PTPRM: variants seen among roughly 807,000 people sequenced by gnomAD.
The protein encoded by PTPRM is receptor-type tyrosine-protein phosphatase mu.
In PTPRM, 47 loss-of-function variants were observed where a neutral mutation model predicts 186.7. The observed-to-expected ratio is 0.25, with a 90% confidence interval of 0.20 to 0.32. The LOEUF (loss-of-function observed/expected upper bound fraction) is 0.32. PTPRM is among the 10% of genes least tolerant of loss of function. PTPRM has a pLI of 1.00. For missense variants in PTPRM, 1,494 were observed against 1,865.0 expected, an observed-to-expected ratio of 0.80 and a Z score of 3.66; for synonymous variants, 668 against 674.9, an observed-to-expected ratio of 0.99 and a Z score of 0.16.
At chr18:8,129,164 T>C (rs779890165) in intron 13 of PTPRM, among the ~76,000 whole-genome samples, 6 of 152,222 alleles carry the variant, frequency 3.9e-5, no homozygotes, top group Non-Finnish European at 8.8e-5. Context: ...TTGAAGATTT[T>C]TGCATGAAAG....
chr18:7,841,985 T>A (rs2046350134), intron 2 of PTPRM, among the ~76,000 whole-genome samples: 1 of 152,180 alleles, frequency 6.6e-6, no homozygotes, highest in South Asian at 2.1e-4. Context: ...TGACTTTGGC[T>A]TTTTCAGAGG....
intron 2 of PTPRM, among the ~76,000 whole-genome samples, chr18:7,782,235 C>G (rs1033786850): frequency 6.6e-6 from 1 of 152,090 alleles, no homozygotes; most frequent in South Asian, 2.1e-4. Flanking sequence ...TTCAGTGGCC[C>G]TTACTGGTTG....
chr18:8,224,108 T>A (rs1259330081), intron 14 of PTPRM, among the ~76,000 whole-genome samples: 1 of 152,216 alleles, frequency 6.6e-6, no homozygotes, highest in East Asian at 1.9e-4. Context: ...GATAAGCAGA[T>A]GGCTTCTTTA....
chr18:8,231,665 T>G (rs1027890441), intron 14 of PTPRM, among the ~76,000 whole-genome samples: 3 of 152,224 alleles, frequency 2.0e-5, no homozygotes, highest in African/African-American at 4.8e-5. Context: ...TTCCTTTAAT[T>G]TGAATTCAGC....
At chr18:7,980,072 C>G (rs2082464846) in intron 7 of PTPRM, among the ~76,000 whole-genome samples, 1 of 151,938 alleles carries the variant, frequency 6.6e-6, no homozygotes, top group African/African-American at 2.4e-5. Context: ...ACTCCTCCCC[C>G]TTGGCCGTGC....
intron 22 of PTPRM, among the ~76,000 whole-genome samples, chr18:8,319,796 G>C (rs2095334327): frequency 6.6e-6 from 1 of 152,198 alleles, no homozygotes; most frequent in Non-Finnish European, 1.5e-5. Context: ...CTTGTGAATG[G>C]AGAAACATCA....
intron 23 of PTPRM, among the ~76,000 whole-genome samples, chr18:8,361,654 T>C (rs1022024296): frequency 6.6e-6 from 1 of 152,184 alleles, no homozygotes; most frequent in African/African-American, 2.4e-5. Context: ...ATCAGATAAC[T>C]GTAGGACTCA....
At chr18:7,587,907 C>T (rs1598466946) in intron 1 of PTPRM, among the ~76,000 whole-genome samples, 1 of 152,040 alleles carries the variant, frequency 6.6e-6, no homozygotes, top group East Asian at 1.9e-4. Context: ...TTTTTAATTT[C>T]AAGTAAGTTT....
At chr18:8,256,349 G>A (rs574815424) in intron 19 of PTPRM, among the ~76,000 whole-genome samples, 1 of 152,278 alleles carries the variant, frequency 6.6e-6, no homozygotes, top group African/African-American at 2.4e-5. Flanking sequence ...ACCTCTCTGG[G>A]CCTCAGTTTC....
At chr18:8,200,280 C>G (rs558633633) in intron 14 of PTPRM, among the ~76,000 whole-genome samples, 21 of 152,100 alleles carry the variant, frequency 1.4e-4, no homozygotes, top group Non-Finnish European at 2.8e-4. Flanking sequence ...GTGCCCCCAC[C>G]GAGACCCAGG....
intron 7 of PTPRM, among the ~76,000 whole-genome samples, chr18:7,992,265 C>G (rs2083305080): frequency 6.6e-6 from 1 of 152,066 alleles, no homozygotes; most frequent in African/African-American, 2.4e-5. Context: ...TTTGAACTAT[C>G]TGCCTATATC....
At chr18:8,268,137 GA>G (rs1422168956) in intron 19 of PTPRM, among the ~76,000 whole-genome samples, 1 of 152,120 alleles carries the variant, frequency 6.6e-6, no homozygotes, top group Non-Finnish European at 1.5e-5. Context: ...AGTTTTGTTT[GA>G]AATTGCATGG....
chr18:8,076,159 A>T (rs955429588), intron 8 of PTPRM, among the ~76,000 whole-genome samples: 1 of 152,158 alleles, frequency 6.6e-6, no homozygotes, highest in Non-Finnish European at 1.5e-5. Flanking sequence ...GAGAATTCTC[A>T]TCACTTGAAA....
intron 2 of PTPRM, among the ~76,000 whole-genome samples, chr18:7,885,470 T>C (rs978611446): frequency 6.6e-6 from 1 of 152,158 alleles, no homozygotes; most frequent in East Asian, 1.9e-4. Context: ...TGATAAAGCT[T>C]TCCCTTTATT....
At chr18:8,178,112 T>C (rs2093513321) in intron 14 of PTPRM, among the ~76,000 whole-genome samples, 2 of 152,220 alleles carry the variant, frequency 1.3e-5, no homozygotes, top group African/African-American at 4.8e-5. Flanking sequence ...CAGTTTCAGA[T>C]GTTGGGTGCA....
intron 1 of PTPRM, among the ~76,000 whole-genome samples, chr18:7,608,141 CCTTT>C (rs1209683305): frequency 6.6e-6 from 1 of 152,224 alleles, no homozygotes; most frequent in Non-Finnish European, 1.5e-5. Context: ...ACGAACAACT[CCTTT>C]CTTTCTGAGT....
intron 14 of PTPRM, among the ~76,000 whole-genome samples, chr18:8,229,004 C>T (rs988574462): frequency 1.3e-5 from 2 of 152,076 alleles, no homozygotes. Flanking sequence ...AGAGTCGTCA[C>T]CAAGCCCTGA....
chr18:8,124,386 G>T, intron 13 of PTPRM, among the ~76,000 whole-genome samples: 1 of 152,134 alleles, frequency 6.6e-6, no homozygotes, highest in East Asian at 1.9e-4. Context: ...TTTTTTAAGG[G>T]ATTTATTCAT....
intron 23 of PTPRM, among the ~76,000 whole-genome samples, chr18:8,353,283 G>A (rs964037775): frequency 6.6e-6 from 1 of 152,178 alleles, no homozygotes; most frequent in Non-Finnish European, 1.5e-5. Flanking sequence ...AGGAGAGGTA[G>A]CAAGTGGGCA....
Sources: allele counts gnomAD v4.1 joint callset (sites outside exome capture counted in the v4.1 genomes callset), GRCh38; gene constraint gnomAD v4.1.1; transcripts MANE v1.5; gene names NCBI Gene and HGNC (gene_info 2026-07-23, HGNC 2026-07-21).